The following TRPC4 variants were observed in gnomAD, a reference collection of about 807,000 sequenced individuals.
TRPC4 encodes short transient receptor potential channel 4.
In TRPC4, 49 loss-of-function variants were observed where a neutral mutation model predicts 99.4. The observed-to-expected ratio is 0.49, with a 90% confidence interval of 0.39 to 0.63. The LOEUF is 0.63. TRPC4 is among the 20% of genes least tolerant of loss of function. The probability of loss-of-function intolerance (pLI) is 0.00; values close to 1 mark genes in which losing one functional copy is unlikely to be tolerated. For synonymous variants in TRPC4, 454 were observed against 425.9 expected, an observed-to-expected ratio of 1.07 and a Z score of -0.81; for missense variants, 898 against 1,152.9, an observed-to-expected ratio of 0.78 and a Z score of 3.20.
intron 5 of TRPC4, among the ~76,000 whole-genome samples, chr13:37,671,159 TG>T (rs1186529317): frequency 1.3e-5 from 2 of 152,204 alleles, no homozygotes; most frequent in Non-Finnish European, 2.9e-5. Flanking sequence ...ATTAGCTTCT[TG>T]ATTCACATAA....
intron 1 of TRPC4, among the ~76,000 whole-genome samples, chr13:37,849,335 T>A (rs766587079): frequency 4.6e-5 from 7 of 152,202 alleles, no homozygotes; most frequent in Non-Finnish European, 8.8e-5. Context: ...TGCTTGTGAC[T>A]AAGATATTCC....
Position 37,636,934 on chromosome 13 carries a change from G to A in TRPC4, c.2903C>T (p.Thr968Ile), listed in dbSNP as rs368935024. The A allele has an allele frequency of 1.2e-4, 201 of 1,612,632 alleles. No homozygotes were observed. Among genetic ancestry groups the A allele is most frequent in the Non-Finnish European group, 1.6e-4 (191 of 1,179,280 alleles). Residue 968 changes from threonine (T) to isoleucine (I), a missense_variant, in exon 11 of 11, where the codon ACC becomes ATC. By Grantham distance (89) the Thr-to-Ile change is moderately conservative (BLOSUM62 -1). This residue lies in a region of TRPC4 where 346 missense variants were observed against 351.4 expected (regional missense o/e 0.98). Transcript: ENST00000379705. ...DYDLNLPDTV[T>I]HEDYVTTRL ...TCTTGTGGTCACGTAATCTTCGTGG[G>A]TGACTGTGTCTGGGAGGTTTAGATC...
intron 3 of TRPC4, among the ~76,000 whole-genome samples, chr13:37,693,899 G>T (rs9548022): frequency 0.66 from 99,904 of 151,898 alleles, 33,716 homozygotes; most frequent in Non-Finnish European, 0.74. Flanking sequence ...GGGTAGGGGG[G>T]ACTATCCTCA....
chr13:37,639,436 T>C, intron 8 of TRPC4, 137 bp from the exon 9 acceptor site: 2 of 783,708 alleles, frequency 2.6e-6, no homozygotes, highest in Non-Finnish European at 4.0e-6. Flanking sequence ...GGACAATGGC[T>C]AAAGAGTGCT....
chr13:37,720,233 G>A (rs1286548922), intron 3 of TRPC4, among the ~76,000 whole-genome samples: 1 of 152,058 alleles, frequency 6.6e-6, no homozygotes, highest in African/African-American at 2.4e-5. Context: ...GTTGCTTTGA[G>A]CCACTATGCA....
chr13:37,766,918 TTAAAAA>T (rs752252003), intron 2 of TRPC4, among the ~76,000 whole-genome samples: 3 of 151,392 alleles, frequency 2.0e-5, no homozygotes, highest in Non-Finnish European at 4.4e-5. Context: ...TCTAATGATA[TTAAAAA>T]TAAAGATACA....
At chr13:37,825,204 T>C (rs1479080409) in intron 1 of TRPC4, among the ~76,000 whole-genome samples, 2 of 152,170 alleles carry the variant, frequency 1.3e-5, no homozygotes, top group Non-Finnish European at 2.9e-5. Flanking sequence ...TCTATTTTGT[T>C]GATCCTTTCA....
chr13:37,638,535 A>G (rs566055540), intron 10 of TRPC4, among the ~76,000 whole-genome samples: 1 of 152,134 alleles, frequency 6.6e-6, no homozygotes, highest in Non-Finnish European at 1.5e-5. Flanking sequence ...ATAATTTTAA[A>G]CTAAATTATT....
intron 3 of TRPC4, among the ~76,000 whole-genome samples, chr13:37,723,447 C>A (rs1241623711): frequency 3.3e-5 from 5 of 152,076 alleles, no homozygotes; most frequent in Admixed American, 3.3e-4. Flanking sequence ...ATATTTTGTT[C>A]CCCTTATTAG....
chr13:37,642,429 G>A (rs370275932), intron 8 of TRPC4, among the ~76,000 whole-genome samples: 1 of 152,224 alleles, frequency 6.6e-6, no homozygotes, highest in African/African-American at 2.4e-5. Flanking sequence ...CTCTGATTTG[G>A]CATCTCATTT....
rs1310386444 is a variant in TRPC4, at chr13:37,769,236, T to C, written c.378+13720A>G. On this transcript the variant is annotated intron_variant, in intron 2 of 10. Coordinates refer to ENST00000379705, the MANE Select transcript of TRPC4 (RefSeq NM_016179.4). ...GATGTTTGAAACTATACATATATTT[T>C]TGAAAGCCTCAAATATTCACCAGGT... 2.6e-5 allele frequency among the ~76,000 whole-genome samples: 4 copies of C among 151,450 alleles called. No homozygotes were observed. The East Asian group carries it at 7.8e-4, about 30-fold the overall frequency.
At chr13:37,686,662 A>AT (rs1953491895) in intron 4 of TRPC4, among the ~76,000 whole-genome samples, 2 of 152,208 alleles carry the variant, frequency 1.3e-5, no homozygotes, top group African/African-American at 4.8e-5. Context: ...AAATTTGCTA[A>AT]ATAAAGTGTT....
chr13:37,734,832 T>G (rs1186477933), intron 3 of TRPC4, among the ~76,000 whole-genome samples: 1 of 152,174 alleles, frequency 6.6e-6, no homozygotes, highest in South Asian at 2.1e-4. Context: ...GTGTAGAATT[T>G]TTTTTTCCAG....
intron 1 of TRPC4, among the ~76,000 whole-genome samples, chr13:37,862,525 A>G (rs958187686): frequency 6.6e-6 from 1 of 151,572 alleles, no homozygotes; most frequent in Non-Finnish European, 1.5e-5. Flanking sequence ...ACCATGGCCC[A>G]AAGTTTTTGT....
At chr13:37,752,465 A>G (rs1193944683) in intron 2 of TRPC4, among the ~76,000 whole-genome samples, 1 of 151,972 alleles carries the variant, frequency 6.6e-6, no homozygotes, top group Non-Finnish European at 1.5e-5. Context: ...AGACTGAGTC[A>G]ATCTCAGACG....
At chr13:37,763,845 G>A (rs909594402) in intron 2 of TRPC4, among the ~76,000 whole-genome samples, 11 of 151,544 alleles carry the variant, frequency 7.3e-5, no homozygotes, top group Admixed American at 4.6e-4. Flanking sequence ...AAATTTTGAC[G>A]TTGGAGGTAG....
intron 6 of TRPC4, among the ~76,000 whole-genome samples, chr13:37,662,401 T>C (rs1216042434): frequency 6.6e-6 from 1 of 152,142 alleles, no homozygotes; most frequent in East Asian, 1.9e-4. Context: ...CATTTAAAAA[T>C]TATGTGCAAA....
intron 1 of TRPC4, among the ~76,000 whole-genome samples, chr13:37,791,639 A>G (rs1172583455): frequency 6.6e-6 from 1 of 152,158 alleles, no homozygotes; most frequent in African/African-American, 2.4e-5. Flanking sequence ...GAAGGAACCA[A>G]TGAAAATTAG....
chr13:37,718,106 G>C (rs943459526), intron 3 of TRPC4, among the ~76,000 whole-genome samples: 1 of 151,970 alleles, frequency 6.6e-6, no homozygotes, highest in African/African-American at 2.4e-5. Context: ...AACCACAACT[G>C]CTAGAAAATG....
Sources: allele counts gnomAD v4.1 joint callset (sites outside exome capture counted in the v4.1 genomes callset), GRCh38; gene constraint gnomAD v4.1.1; regional missense constraint gnomAD v4.1.1; transcripts MANE v1.5; gene names NCBI Gene and HGNC (gene_info 2026-07-23, HGNC 2026-07-21).